Variants in FAM177A1 observed in about 807,000 individuals in gnomAD.
The protein encoded by FAM177A1 is protein FAM177A1.
In FAM177A1, 22 loss-of-function variants were observed where a neutral mutation model predicts 26.1. That is an observed-to-expected ratio of 0.84 (90% CI 0.60 to 1.20). The LOEUF (loss-of-function observed/expected upper bound fraction) is 1.20. Ranked by LOEUF, FAM177A1 falls within the 50% of genes most tolerant of loss-of-function variation. The probability of loss-of-function intolerance (pLI) is 0.00; values close to 1 mark genes in which losing one functional copy is unlikely to be tolerated. For synonymous variants in FAM177A1, 95 were observed against 99.3 expected (o/e 0.96, Z 0.26); for missense variants, 296 against 291.1 (o/e 1.02, Z -0.12).
chr14:35,072,593 T>A lies in FAM177A1; in HGVS notation c.340-4557T>A, dbSNP rs79036977. The stretch of plus-strand genomic sequence containing the variant: ...TAACAGTTCTTTTCCCACCATTTGC[T>A]TTAGTTTCATTGCCTGTATAGAAGG... On this transcript the variant is annotated intron_variant, in intron 2 of 4. Transcript: ENST00000280987. 7.5e-3 allele frequency among the ~76,000 whole-genome samples: 1,144 copies of A among 152,340 alleles called. 7 individuals are homozygous for A. Among genetic ancestry groups the A allele is most frequent in the Non-Finnish European group, 0.013 (870 of 68,028 alleles).
chr14:35,079,108 A>C, intron 4 of FAM177A1, 84 bp downstream of exon 4: 1 of 931,626 alleles, frequency 1.1e-6, no homozygotes. Context: ...TGTATTTTCT[A>C]ACTGCCCAAC....
rs1490012481 is a variant in FAM177A1 at position 35,079,014 on chromosome 14, TGAA to T, written c.499_501del (p.Lys167del). On this transcript the variant is annotated inframe_deletion, in exon 4 of 5. Coordinates refer to ENST00000280987, the MANE Select transcript of FAM177A1 (RefSeq NM_173607.5). ...TATGCCATTGATGAATATTATCGGA[TGAA>T]GAAGGAGGTATGCCTCCTTTTTACA... The T allele has an allele frequency of 5.8e-6, 9 of 1,555,654 alleles. No homozygotes were observed. Among genetic ancestry groups the T allele is most frequent in the Middle Eastern group, 1.7e-4 (1 of 5,948 alleles).
chr14:35,054,622 T>C (rs890846356), intron 2 of FAM177A1: 1 of 152,214 alleles, frequency 6.6e-6, no homozygotes, highest in African/African-American at 2.4e-5. Context: ...GAGAATTGTT[T>C]ATATTTGATT....
intron 2 of FAM177A1, among the ~76,000 whole-genome samples, chr14:35,067,489 T>C (rs2045256975): frequency 5.3e-5 from 8 of 152,216 alleles, no homozygotes; most frequent in Admixed American, 3.9e-4. Flanking sequence ...GTAATAAACA[T>C]GGGAGTGCAG....
intron 2 of FAM177A1, among the ~76,000 whole-genome samples, chr14:35,073,163 T>A (rs1331090595): frequency 6.6e-6 from 1 of 152,096 alleles, no homozygotes; most frequent in Non-Finnish European, 1.5e-5. Flanking sequence ...CTCCATCTCC[T>A]GGGTTCAAGC....
At chr14:35,069,032 C>T (rs574637325) in intron 2 of FAM177A1, among the ~76,000 whole-genome samples, 5 of 152,124 alleles carry the variant, frequency 3.3e-5, no homozygotes, top group African/African-American at 9.7e-5. Context: ...TTCCAACACA[C>T]GTTTTTTAGG....
intron 4 of FAM177A1, among the ~76,000 whole-genome samples, chr14:35,079,276 A>G (rs1423195243): frequency 6.6e-6 from 1 of 152,216 alleles, no homozygotes; most frequent in African/African-American, 2.4e-5. Flanking sequence ...GAGATGCCTT[A>G]TATACATTAT....
rs112185106 is a variant in FAM177A1 at position 35,051,584 on chromosome 14, T to C, written c.166-1694T>C. ...TGTACCACCATGCCTAGCTGATTTT[T>C]GTATTTTTAGTAAAGTTGGGGTTTT... On this transcript the variant is annotated intron_variant, in intron 1 of 4. Transcript: ENST00000280987. Among the ~76,000 whole-genome samples, 10 of 152,218 alleles carry C rather than the reference T, an allele frequency of 6.6e-5. 1 individual carries two copies. Among genetic ancestry groups the C allele is most frequent in the Admixed American group, 3.3e-4 (5 of 15,284 alleles).
At chr14:35,056,233 C>T (rs1268144994) in intron 2 of FAM177A1, among the ~76,000 whole-genome samples, 2 of 152,150 alleles carry the variant, frequency 1.3e-5, no homozygotes, top group East Asian at 3.8e-4. Flanking sequence ...CATGCTTTCA[C>T]TATGTTGGCC....
Position 35,053,267 on chromosome 14 carries a change from C to T in FAM177A1, c.166-11C>T. 10 of 1,587,624 alleles carry T rather than the reference C, an allele frequency of 6.3e-6. No homozygotes were observed. Among genetic ancestry groups the T allele is most frequent in the Non-Finnish European group, 8.5e-6 (10 of 1,171,552 alleles). On this transcript the variant is annotated splice_polypyrimidine_tract_variant and intron_variant, in intron 1 of 4. Transcript: ENST00000280987. ...CTTGAAACTCATTTTCTTAAAATATCGTTGATATAGATGAGTAACGAAAGA... is the reference window on the plus strand; with the variant it reads ...CTTGAAACTCATTTTCTTAAAATATTGTTGATATAGATGAGTAACGAAAGA...
chr14:35,060,043 G>A (rs750020017), intron 2 of FAM177A1, among the ~76,000 whole-genome samples: 1 of 151,174 alleles, frequency 6.6e-6, no homozygotes, highest in Non-Finnish European at 1.5e-5. Context: ...GCGTGATCTC[G>A]GCTCACTGCA....
downstream of FAM177A1, chr14:35,083,383 A>T (rs571190520): frequency 1.3e-5 from 2 of 152,628 alleles, no homozygotes; most frequent in Admixed American, 6.5e-5. Context: ...AATGTATTCA[A>T]TGGTTTGTCT....
chr14:35,049,709 C>T (rs539649454), intron 1 of FAM177A1, among the ~76,000 whole-genome samples: 5 of 152,172 alleles, frequency 3.3e-5, no homozygotes, highest in South Asian at 2.1e-4. Context: ...CGCTGAAACC[C>T]AGGAGGTAGA....
chr14:35,067,814 TTCA>T (rs2045262414), intron 2 of FAM177A1, among the ~76,000 whole-genome samples: 1 of 152,246 alleles, frequency 6.6e-6, no homozygotes, highest in African/African-American at 2.4e-5. Context: ...CTGTTGACTA[TTCA>T]TATGCCTTCT....
chr14:35,055,536 C>T (rs1253252269), intron 2 of FAM177A1, among the ~76,000 whole-genome samples: 1 of 150,862 alleles, frequency 6.6e-6, no homozygotes, highest in East Asian at 2.0e-4. Context: ...TGGGTTTAAG[C>T]GATTCTCGTG....
chr14:35,078,481 A>G (rs1281196907), intron 3 of FAM177A1, among the ~76,000 whole-genome samples: 3 of 152,100 alleles, frequency 2.0e-5, no homozygotes, highest in Admixed American at 2.0e-4. Context: ...CCTCCTGAGT[A>G]GCTGGGATTA....
At chr14:35,055,321 G>A (rs2045043544) in intron 2 of FAM177A1, among the ~76,000 whole-genome samples, 3 of 121,262 alleles carry the variant, frequency 2.5e-5, no homozygotes, top group South Asian at 6.0e-4. Context: ...AAAAAAAATC[G>A]GATATTCTAC....
chr14:35,065,696 AT>A (rs35125485), intron 2 of FAM177A1, among the ~76,000 whole-genome samples: 111 of 139,110 alleles, frequency 8.0e-4, no homozygotes, highest in African/African-American at 1.4e-3. Context: ...ATAAGAAGCA[AT>A]TTTTTTTTTT....
chr14:35,050,724 C>T (rs562467997), intron 1 of FAM177A1: 38 of 152,260 alleles, frequency 2.5e-4, no homozygotes, highest in African/African-American at 9.1e-4. Context: ...ACATTAGATC[C>T]ATCCAGTTAG....
Sources: gnomAD v4.1 joint callset for allele counts (sites outside exome capture counted in the v4.1 genomes callset) on GRCh38, gnomAD v4.1.1 for gene constraint, MANE v1.5 for transcripts, NCBI Gene and HGNC (gene_info 2026-07-23, HGNC 2026-07-21) for gene names.